GRM7: variants seen among roughly 807,000 people sequenced by gnomAD.
GRM7 encodes the protein metabotropic glutamate receptor 7.
GRM7 carries 35 observed loss-of-function variants against 84.5 expected under a neutral mutation model. The ratio of observed to expected loss-of-function variants is 0.41; its 90% confidence interval spans 0.32 to 0.55. The LOEUF (loss-of-function observed/expected upper bound fraction) is 0.55. Ranked by LOEUF, GRM7 falls within the 20% of genes least tolerant of loss-of-function variation. The pLI is 0.19. For synonymous variants in GRM7, 487 were observed against 455.1 expected, an observed-to-expected ratio of 1.07 and a Z score of -0.89; for missense variants, 1,003 against 1,194.6, an observed-to-expected ratio of 0.84 and a Z score of 2.36.
intron 7 of GRM7, among the ~76,000 whole-genome samples, chr3:7,572,244 C>T (rs1694699251): frequency 6.6e-6 from 1 of 152,186 alleles, no homozygotes; most frequent in Admixed American, 6.5e-5. Context: ...TGTCCACATA[C>T]TGAAATCACC....
chr3:7,560,388 C>T (rs1459039867), intron 7 of GRM7: 1 of 152,056 alleles, frequency 6.6e-6, no homozygotes. Flanking sequence ...TTCCCAAAGG[C>T]ATGTGTGATA....
Position 7,369,246 on chromosome 3 carries a change from A to G in GRM7, c.1034-45777A>G, listed in dbSNP as rs188310634. ...TTTTTAAATTTTTCATACAGACACG[A>G]TCTCATTATGTTTTCCAAGCTGTTC... On this transcript the variant is annotated intron_variant, in intron 4 of 9. Transcript: ENST00000357716. Among the ~76,000 whole-genome samples, 3 of 151,946 alleles carry G rather than the reference A, an allele frequency of 2.0e-5. No individual in the cohort carries two copies. In the East Asian group the frequency reaches 5.8e-4, roughly 30 times the overall value.
chr3:6,989,769 C>G (rs1035560689), intron 1 of GRM7, among the ~76,000 whole-genome samples: 1 of 152,220 alleles, frequency 6.6e-6, no homozygotes. Context: ...CTTCACTGAT[C>G]ACTCAGTATG....
chr3:7,651,913 C>G (rs1306381087), intron 8 of GRM7, among the ~76,000 whole-genome samples: 1 of 152,208 alleles, frequency 6.6e-6, no homozygotes, highest in African/African-American at 2.4e-5. Context: ...ACAGCTCAAG[C>G]TCTCAGCCCC....
chr3:7,633,991 A>C (rs1333904267), intron 8 of GRM7, among the ~76,000 whole-genome samples: 1 of 152,190 alleles, frequency 6.6e-6, no homozygotes, highest in Non-Finnish European at 1.5e-5. Flanking sequence ...TTTTGTTCAC[A>C]AGATGCTTCT....
intron 8 of GRM7, among the ~76,000 whole-genome samples, chr3:7,583,150 G>GT (rs994474043): frequency 5.9e-5 from 9 of 152,334 alleles, no homozygotes; most frequent in Admixed American, 1.3e-4. Flanking sequence ...TGAAGCATCA[G>GT]TCCCAAGGCT....
chr3:7,366,405 G>C (rs1249419768), intron 4 of GRM7, among the ~76,000 whole-genome samples: 2 of 151,844 alleles, frequency 1.3e-5, no homozygotes, highest in East Asian at 3.9e-4. Context: ...TCATTGGAAA[G>C]TTTGCATTTC....
intron 1 of GRM7, among the ~76,000 whole-genome samples, chr3:7,006,096 G>A (rs1695175747): frequency 6.6e-6 from 1 of 152,090 alleles, no homozygotes; most frequent in South Asian, 2.1e-4. Context: ...CCCCCCTCCT[G>A]GCTCTCCTCC....
chr3:6,947,398 G>A (rs1698129744), intron 1 of GRM7, among the ~76,000 whole-genome samples: 1 of 152,202 alleles, frequency 6.6e-6, no homozygotes. Flanking sequence ...TCCCAGGGAT[G>A]AGGCCCACTT....
At chr3:6,904,591 ACTATGATGCTAC>A (rs1696501676) in intron 1 of GRM7, among the ~76,000 whole-genome samples, 1 of 152,294 alleles carries the variant, frequency 6.6e-6, no homozygotes, top group South Asian at 2.1e-4. Flanking sequence ...TCTCAACAGG[ACTATGATGCTAC>A]CTCTTTTGTG....
intron 2 of GRM7, among the ~76,000 whole-genome samples, chr3:7,164,377 A>G (rs1269662815): frequency 6.6e-6 from 1 of 152,224 alleles, no homozygotes; most frequent in Non-Finnish European, 1.5e-5. Flanking sequence ...TAAAAAACAT[A>G]AAAATCACAA....
intron 2 of GRM7, among the ~76,000 whole-genome samples, chr3:7,239,814 T>C (rs935738963): frequency 3.3e-5 from 5 of 150,724 alleles, no homozygotes; most frequent in Non-Finnish European, 7.4e-5. Flanking sequence ...AGCATCAGAG[T>C]TTTTTCTATC....
chr3:7,461,493 C>T lies in GRM7; in HGVS notation c.1376-90C>T, dbSNP rs964295004. On this transcript the variant is annotated intron_variant, in intron 6 of 9. Transcript: ENST00000357716. ...GATATCTAGTAACTACCTTTCTCCT[C>T]GTTAAGTCTCTAGCCTGTCACCCAT... 10 of 1,090,320 alleles carry T rather than the reference C, an allele frequency of 9.2e-6. No individual in the cohort carries two copies. The East Asian group carries it at 2.1e-4, about 23-fold the overall frequency. The allele number at this position is 1,090,320 out of a possible 1,614,324, so 67.5% of individuals were successfully genotyped here. A position where few individuals can be genotyped will look rare whatever the true frequency, so the allele number is the denominator to read the frequency against.
At chr3:7,724,663 G>A (rs1284689076) in intron 9 of GRM7, among the ~76,000 whole-genome samples, 2 of 152,290 alleles carry the variant, frequency 1.3e-5, no homozygotes, top group African/African-American at 4.8e-5. Context: ...CAGTTTTAAG[G>A]AATACAAGTC....
chr3:7,013,145 A>AAAC (rs35012621), intron 1 of GRM7, among the ~76,000 whole-genome samples: 1,541 of 150,470 alleles, frequency 0.01, 32 homozygotes, highest in African/African-American at 0.035. Flanking sequence ...AAAAAAAAAA[A>AAAC]GTTCAGAAAC....
intron 6 of GRM7, among the ~76,000 whole-genome samples, chr3:7,455,489 CAT>C (rs1697970746): frequency 6.6e-6 from 1 of 152,138 alleles, no homozygotes; most frequent in Non-Finnish European, 1.5e-5. Context: ...GACTCATGAA[CAT>C]TGTGTGCCTT....
chr3:7,272,152 C>T (rs1292307042), intron 2 of GRM7, among the ~76,000 whole-genome samples: 1 of 152,112 alleles, frequency 6.6e-6, no homozygotes, highest in African/African-American at 2.4e-5. Flanking sequence ...TGTTTTTCCT[C>T]TCTCCCTCCG....
intron 7 of GRM7, among the ~76,000 whole-genome samples, chr3:7,566,657 TA>T (rs34817796): frequency 0.43 from 65,378 of 151,094 alleles, 14,664 homozygotes; most frequent in African/African-American, 0.56. Context: ...TGACACTGAA[TA>T]AAAAAAAAGA....
intron 1 of GRM7, among the ~76,000 whole-genome samples, chr3:6,902,781 G>A (rs945790672): frequency 1.3e-5 from 2 of 151,386 alleles, no homozygotes; most frequent in African/African-American, 2.4e-5. Context: ...CTCAAGAGTC[G>A]TTAAGAGTGT....
Sources: gnomAD v4.1 joint callset for allele counts (sites outside exome capture counted in the v4.1 genomes callset) on GRCh38, gnomAD v4.1.1 for gene constraint, MANE v1.5 for transcripts, NCBI Gene and HGNC (gene_info 2026-07-23, HGNC 2026-07-21) for gene names.